IQSEC2: variants seen among roughly 807,000 people sequenced by gnomAD.
The protein encoded by IQSEC2 is IQ motif and SEC7 domain-containing protein 2.
Under a neutral mutation model 74.6 loss-of-function variants are expected in IQSEC2, and 6 were observed. The ratio of observed to expected loss-of-function variants is 0.08; its 90% CI spans 0.04 to 0.16. The LOEUF (loss-of-function observed/expected upper bound fraction) is 0.16. Among genes scored for constraint, IQSEC2 ranks in the 10% least tolerant of loss-of-function variants. IQSEC2 has a pLI of 1.00. For missense variants in IQSEC2, 734 were observed against 1,306.2 expected (o/e 0.56, Z 6.75); for synonymous variants, 494 against 544.5 (o/e 0.91, Z 1.29).
In IQSEC2 at chrX:53,302,599, CA is replaced by C. The variant is rs374955717; in HGVS notation, c.708-10676del. On this transcript the variant is annotated intron_variant, in intron 1 of 14. Coordinates refer to ENST00000642864, the MANE Select transcript of IQSEC2 (RefSeq NM_001111125.3). ...TGGGCAACAGAGCACAACCCTATGTCAAAAAAAAAAGTTAACTGGTTATCTG... is the reference window on the plus strand; with the variant it reads ...TGGGCAACAGAGCACAACCCTATGTCAAAAAAAAAGTTAACTGGTTATCTG... Among the ~76,000 whole-genome samples the C allele has an allele frequency of 2.0e-3, 208 of 105,520 alleles. 2 individuals are homozygous for C. The highest frequency in any genetic ancestry group is 6.9e-3 in the African/African-American group (201 of 29,103). The allele number at this position is 105,520 out of a possible 115,157, so 91.6% of individuals were successfully genotyped here. A position where few individuals can be genotyped will look rare whatever the true frequency, so the allele number is the denominator to read the frequency against.
At chrX:53,297,379 T>C (rs895724702) in intron 1 of IQSEC2, among the ~76,000 whole-genome samples, 19 of 110,925 alleles carry the variant, frequency 1.7e-4, no homozygotes, top group Admixed American at 1.3e-3. Context: ...TTACCCAGGC[T>C]GCAGTAACAC....
chrX:53,246,169 G>T (rs1402885780), intron 8 of IQSEC2, among the ~76,000 whole-genome samples: 2 of 111,649 alleles, frequency 1.8e-5, no homozygotes, highest in Non-Finnish European at 3.8e-5. Context: ...GCCCTCAATT[G>T]TTCCCTAAAG....
Position 53,250,706 on chromosome X carries a change from C to A in IQSEC2, c.1870G>T (p.Asp624Tyr). 8.3e-7 allele frequency: 1 copy of A among 1,211,404 alleles called. No individual in the cohort carries two copies. The highest frequency in any genetic ancestry group is 1.1e-6 in the Non-Finnish European group (1 of 895,389). ...AGGGTCCCATGGGGGCTGCAGCCAT[C>A]AGCCTCATACACCAGCTGGCGGTGG... ...SVHRQLVYEA[D>Y]GCSPHGTLKH... is the part of the protein sequence containing the mutation. Residue 624 changes from aspartate to tyrosine, a missense_variant, in exon 5 of 15, where the codon GAT becomes TAT. By Grantham distance (160) the Asp-to-Tyr change is radical. Around this residue, in one of 12 missense-constraint regions of IQSEC2, gnomAD observed 204 missense variants for 305.4 expected, o/e 0.67. Coordinates refer to ENST00000642864, the MANE Select transcript of IQSEC2 (RefSeq NM_001111125.3).
In IQSEC2 at chrX:53,292,730, C is replaced by T. The variant is rs1490674106; in HGVS notation, c.708-806G>A. On this transcript the variant is annotated intron_variant, in intron 1 of 14. Transcript: ENST00000642864. Reference sequence around the variant, plus strand: ...CCACACCCTTCCTCTCCCACCACGCCTTCCCAAGAAGAGTGTGAGAGTGTA... The same window carrying T: ...CCACACCCTTCCTCTCCCACCACGCTTTCCCAAGAAGAGTGTGAGAGTGTA... 6.3e-5 allele frequency among the ~76,000 whole-genome samples: 7 copies of T among 111,684 alleles called. No individual in the cohort carries two copies. In the Admixed American group the frequency reaches 6.6e-4, roughly 11 times the overall value.
chrX:53,281,436 G>T, intron 2 of IQSEC2: 1 of 652,628 alleles, frequency 1.5e-6, no homozygotes, highest in Non-Finnish European at 2.3e-6. Flanking sequence ...GTAGCCCAGG[G>T]ACTGGGTCCA....
At chrX:53,282,429 G>A (rs1286705618) in intron 2 of IQSEC2, among the ~76,000 whole-genome samples, 3 of 112,634 alleles carry the variant, frequency 2.7e-5, no homozygotes, top group African/African-American at 9.7e-5. Context: ...GAGTTTTTTG[G>A]CTTTGAAGGA....
intron 1 of IQSEC2, among the ~76,000 whole-genome samples, chrX:53,293,629 C>T (rs2075123380): frequency 9.0e-6 from 1 of 111,379 alleles, no homozygotes; most frequent in African/African-American, 3.3e-5. Flanking sequence ...TAACACTAAC[C>T]CTCTGCTCTA....
At chrX:53,311,421 A>G (rs899000639) in intron 1 of IQSEC2, among the ~76,000 whole-genome samples, 4 of 110,421 alleles carry the variant, frequency 3.6e-5, no homozygotes, top group Admixed American at 9.7e-5. Context: ...CCCCTCCATC[A>G]TCATCTTTCT....
chrX:53,248,816 C>T lies in IQSEC2; in HGVS notation c.2364G>A (p.Val788=). ...RGFLSDTPVG[V]AHFILERKGL... ...CTTTCCGCTCCAGGATGAAGTGAGC[C>T]ACTCCCACCGGTGTGTCTGACAGGA... is the stretch of plus-strand genomic sequence containing the variant. Residue 788 remains valine (V), a synonymous_variant, in exon 6 of 15, where the codon GTG becomes GTA. Transcript: ENST00000642864. 1 of 1,211,076 alleles carries T rather than the reference C, an allele frequency of 8.3e-7. No homozygotes were observed. The highest frequency in any genetic ancestry group is 1.1e-6 in the Non-Finnish European group (1 of 895,134).
At chrX:53,242,208 C>A (rs1306221656) in intron 9 of IQSEC2, among the ~76,000 whole-genome samples, 3 of 109,972 alleles carry the variant, frequency 2.7e-5, no homozygotes, top group African/African-American at 9.9e-5. Flanking sequence ...CCGAGGCGAG[C>A]GGATCACTTG....
Position 53,233,781 on chromosome X carries a change from C to T in IQSEC2, c.*438G>A, listed in dbSNP as rs1297162395. 1.7e-5 allele frequency: 5 copies of T among 295,371 alleles called. No homozygotes were observed. The highest frequency in any genetic ancestry group is 2.7e-5 in the African/African-American group (1 of 36,478). 24.3% of individuals were successfully genotyped at this position (295,371 alleles called of 1,213,427 possible). A position where few individuals can be genotyped will look rare whatever the true frequency, so the allele number is the denominator to read the frequency against. On this transcript the variant is annotated 3_prime_UTR_variant, in exon 15 of 15. Transcript: ENST00000642864. ...AACTCTACAGAGCGCTCTCCTAGCCCCACACGGCCAGAGGAGCCCCAGGGA... is the reference window on the plus strand; with the variant it reads ...AACTCTACAGAGCGCTCTCCTAGCCTCACACGGCCAGAGGAGCCCCAGGGA...
At position 53,255,855 on chromosome X, in the gene IQSEC2, C is replaced by T. The variant is rs782109264; in HGVS notation, c.944G>A (p.Arg315His). 6 of 1,211,407 alleles carry T rather than the reference C, an allele frequency of 5.0e-6. No individual in the cohort carries two copies. The highest frequency in any genetic ancestry group is 1.8e-5 in the South Asian group (1 of 56,956). The part of the protein sequence containing the change: ...LRKQEEEEIK[R>H]SKALSDSYEL... ...ATAGCTGTCCGATAGGGCCTTGGAG[C>T]GCTTTATCTCCTCCTCCTCCTGCTT... The change falls in exon 3 of 15, where the codon CGC (arginine) becomes CAC (histidine). Residue 315 changes from arginine (R) to histidine (H), a missense_variant. Around this residue, in one of 12 missense-constraint regions of IQSEC2, gnomAD observed 54 missense variants for 62.1 expected, o/e 0.87. Coordinates refer to ENST00000642864, the MANE Select transcript of IQSEC2 (RefSeq NM_001111125.3).
At chrX:53,316,860 A>C (rs2075381215) in intron 1 of IQSEC2, among the ~76,000 whole-genome samples, 1 of 110,401 alleles carries the variant, frequency 9.1e-6, no homozygotes, top group East Asian at 2.8e-4. Flanking sequence ...AAAAGAAAAA[A>C]AACACCACCA....
chrX:53,256,197 C>T (rs2074465004), intron 2 of IQSEC2, 136 bp from the exon 3 acceptor site: 3 of 593,282 alleles, frequency 5.1e-6, no homozygotes, highest in East Asian at 3.6e-5. Context: ...AGGGACCCAA[C>T]ACTTACAGGC....
intron 4 of IQSEC2, among the ~76,000 whole-genome samples, chrX:53,253,357 G>T (rs1405945559): frequency 8.9e-6 from 1 of 111,914 alleles, no homozygotes; most frequent in Non-Finnish European, 1.9e-5. Context: ...ATGTTTCAGT[G>T]TGGTTAAACA....
In IQSEC2 at chrX:53,282,775, C is replaced by CTT. The variant is rs5902517; in HGVS notation, c.737+9118_737+9119dup. 6.0e-3 allele frequency among the ~76,000 whole-genome samples: 593 copies of CTT among 98,144 alleles called. 8 individuals carry two copies. Among genetic ancestry groups the CTT allele is most frequent in the Admixed American group, 8.3e-3 (74 of 8,922 alleles). The allele number at this position is 98,144 out of a possible 115,157, so 85.2% of individuals were successfully genotyped here. A position where few individuals can be genotyped will look rare whatever the true frequency, so the allele number is the denominator to read the frequency against. On this transcript the variant is annotated intron_variant, in intron 2 of 14. Coordinates refer to ENST00000642864, the MANE Select transcript of IQSEC2 (RefSeq NM_001111125.3). The stretch of plus-strand genomic sequence containing the variant: ...TCAAGGCTCTGGCCTTAGCATCTGC[C>CTT]TTTTTTTTTTTTTTAACTCTCCTTG...
At chrX:53,312,066 T>C (rs2146515066) in intron 1 of IQSEC2, among the ~76,000 whole-genome samples, 1 of 111,295 alleles carries the variant, frequency 9.0e-6, no homozygotes, top group East Asian at 2.9e-4. Flanking sequence ...ACTGAACTCA[T>C]AAAAAAACAA....
chrX:53,297,226 G>A (rs932388673), intron 1 of IQSEC2, among the ~76,000 whole-genome samples: 1 of 110,314 alleles, frequency 9.1e-6, no homozygotes, highest in African/African-American at 3.3e-5. Flanking sequence ...GGTGGTCTAC[G>A]TTATTATGAC....
intron 1 of IQSEC2, among the ~76,000 whole-genome samples, chrX:53,307,265 T>TTTTTTC (rs1326716515): frequency 9.5e-6 from 1 of 105,607 alleles, no homozygotes; most frequent in Non-Finnish European, 1.9e-5. Context: ...GACTTTCTTT[T>TTTTTTC]TTTTTCTTTT....
Sources: gnomAD v4.1 joint callset for allele counts (sites outside exome capture counted in the v4.1 genomes callset) on GRCh38, gnomAD v4.1.1 for gene constraint, gnomAD v4.1.1 regional missense constraint, MANE v1.5 for transcripts, NCBI Gene and HGNC (gene_info 2026-07-23, HGNC 2026-07-21) for gene names.